Variants in GALNTL6 observed in about 807,000 individuals in gnomAD.
GALNTL6 encodes the protein polypeptide N-acetylgalactosaminyltransferase like 6.
In GALNTL6, 46 loss-of-function variants were observed where a neutral mutation model predicts 73.7. That is an observed-to-expected ratio of 0.62 (90% confidence interval 0.49 to 0.80). The LOEUF (loss-of-function observed/expected upper bound fraction) is 0.80. Ranked by LOEUF, GALNTL6 falls within the 30% of genes least tolerant of loss-of-function variation. The pLI, the probability that GALNTL6 is intolerant of heterozygous loss-of-function variation, is 0.00. For missense variants in GALNTL6, 604 were observed against 755.0 expected (o/e 0.80, Z 2.34); for synonymous variants, 259 against 263.7 (o/e 0.98, Z 0.17).
chr4:172,576,631 T>C (rs945693607), intron 5 of GALNTL6, among the ~76,000 whole-genome samples: 2 of 152,176 alleles, frequency 1.3e-5, no homozygotes, highest in African/African-American at 4.8e-5. Flanking sequence ...TATCCTGCTT[T>C]GCAGAACTGT....
At chr4:172,677,369 T>C (rs543655133) in intron 5 of GALNTL6, among the ~76,000 whole-genome samples, 1 of 152,284 alleles carries the variant, frequency 6.6e-6, no homozygotes, top group East Asian at 1.9e-4. Context: ...TCCCTGCTAC[T>C]TCTCTCGAAG....
intron 7 of GALNTL6, among the ~76,000 whole-genome samples, chr4:172,852,692 G>A (rs896657616): frequency 1.3e-5 from 2 of 152,024 alleles, no homozygotes; most frequent in African/African-American, 4.8e-5. Flanking sequence ...ACACTAATGT[G>A]TTTATATACA....
chr4:172,297,642 G>A (rs942160009), intron 3 of GALNTL6, among the ~76,000 whole-genome samples: 18 of 152,234 alleles, frequency 1.2e-4, no homozygotes, highest in Admixed American at 1.2e-3. Context: ...TATCAGGTTT[G>A]TCAAAAATCA....
At chr4:172,464,678 G>A (rs866665257) in intron 5 of GALNTL6, among the ~76,000 whole-genome samples, 3 of 151,924 alleles carry the variant, frequency 2.0e-5, no homozygotes, top group Admixed American at 6.6e-5. Flanking sequence ...CTGCACTCCA[G>A]CCTGGGTGAG....
At chr4:172,573,896 TA>T (rs1736861286) in intron 5 of GALNTL6, among the ~76,000 whole-genome samples, 1 of 152,156 alleles carries the variant, frequency 6.6e-6, no homozygotes, top group South Asian at 2.1e-4. Context: ...TAGATGCTAT[TA>T]ACATTCCAAT....
At chr4:172,589,580 C>T (rs754910334) in intron 5 of GALNTL6, among the ~76,000 whole-genome samples, 9 of 152,194 alleles carry the variant, frequency 5.9e-5, no homozygotes, top group Non-Finnish European at 1.3e-4. Flanking sequence ...GTGCTTTTAC[C>T]TCCCGAAAGG....
intron 2 of GALNTL6, among the ~76,000 whole-genome samples, chr4:172,090,359 T>A (rs986491006): frequency 6.6e-6 from 1 of 152,126 alleles, no homozygotes; most frequent in Non-Finnish European, 1.5e-5. Context: ...CTCTCCAGCA[T>A]CTGTTGTTTC....
chr4:172,762,752 C>T (rs1738185212), intron 5 of GALNTL6, among the ~76,000 whole-genome samples: 1 of 144,776 alleles, frequency 6.9e-6, no homozygotes, highest in Non-Finnish European at 1.5e-5. Context: ...ATAAAAATTA[C>T]TCTTCAAATT....
chr4:172,689,636 A>G (rs13141768), intron 5 of GALNTL6, among the ~76,000 whole-genome samples: 150,741 of 152,272 alleles, frequency 0.99, 74,633 homozygotes, highest in Middle Eastern at 1. Context: ...TAAGTTCTTA[A>G]TGCTTTTTCT....
intron 5 of GALNTL6, among the ~76,000 whole-genome samples, chr4:172,416,583 G>T (rs1383526626): frequency 1.3e-5 from 2 of 152,040 alleles, no homozygotes; most frequent in African/African-American, 4.8e-5. Context: ...TATGTGCCAA[G>T]CACAGTTCAA....
intron 2 of GALNTL6, among the ~76,000 whole-genome samples, chr4:172,099,414 G>A (rs746233656): frequency 3.3e-5 from 5 of 152,084 alleles, no homozygotes; most frequent in South Asian, 2.1e-4. Context: ...GATGATACCC[G>A]CCATTTAGTC....
intron 5 of GALNTL6, among the ~76,000 whole-genome samples, chr4:172,596,508 G>T (rs532466722): frequency 1.3e-5 from 2 of 148,840 alleles, no homozygotes; most frequent in African/African-American, 2.5e-5. Context: ...TCACCCAAAA[G>T]AATGATTTAT....
intron 2 of GALNTL6, among the ~76,000 whole-genome samples, chr4:172,029,421 A>G (rs549370464): frequency 6.6e-6 from 1 of 152,204 alleles, no homozygotes; most frequent in South Asian, 2.1e-4. Flanking sequence ...ATTTGATTAC[A>G]TATGTGGCTG....
At chr4:171,997,037 C>G (rs1205437274) in intron 2 of GALNTL6, among the ~76,000 whole-genome samples, 1 of 152,070 alleles carries the variant, frequency 6.6e-6, no homozygotes, top group Non-Finnish European at 1.5e-5. Context: ...TTGGGGCAGG[C>G]AACAGAAAGA....
At position 173,040,111 on chromosome 4, in the gene GALNTL6, G is replaced by A. The variant is rs1753845821; in HGVS notation, c.*11G>A. ...CATGCCAACTCCTAGAAAGAAGAAA[G>A]GAAGAAAGAGTGATTACCTACAGGT... On this transcript the variant is annotated 3_prime_UTR_variant, in exon 13 of 13. Transcript: ENST00000506823. 1 of 1,596,764 alleles carries A rather than the reference G, an allele frequency of 6.3e-7. No individual in the cohort carries two copies.
At chr4:172,046,748 T>C (rs1320663484) in intron 2 of GALNTL6, among the ~76,000 whole-genome samples, 1 of 152,084 alleles carries the variant, frequency 6.6e-6, no homozygotes, top group East Asian at 1.9e-4. Flanking sequence ...GTTATGTGAG[T>C]TTCTTATATA....
chr4:172,137,158 CTG>C (rs1371509085), intron 2 of GALNTL6, among the ~76,000 whole-genome samples: 2 of 152,080 alleles, frequency 1.3e-5, no homozygotes, highest in Non-Finnish European at 1.5e-5. Flanking sequence ...TCATTATTGA[CTG>C]TTTTTTGTTA....
chr4:172,916,638 C>T (rs981483817), intron 8 of GALNTL6, among the ~76,000 whole-genome samples: 1 of 152,074 alleles, frequency 6.6e-6, no homozygotes, highest in Non-Finnish European at 1.5e-5. Context: ...GAGTGAACTC[C>T]CATTCACAAT....
chr4:172,679,194 C>T (rs1283032813), intron 5 of GALNTL6, among the ~76,000 whole-genome samples: 1 of 152,166 alleles, frequency 6.6e-6, no homozygotes, highest in Admixed American at 6.5e-5. Context: ...GGCAGATCGC[C>T]TGAGGCCAGG....
Sources: allele counts gnomAD v4.1 joint callset (sites outside exome capture counted in the v4.1 genomes callset), GRCh38; gene constraint gnomAD v4.1.1; transcripts MANE v1.5; gene names NCBI Gene and HGNC (gene_info 2026-07-23, HGNC 2026-07-21).